Variants in CPEB1 observed in about 807,000 individuals in gnomAD.
CPEB1 encodes the protein cytoplasmic polyadenylation element binding protein 1.
CPEB1 carries 7 observed loss-of-function variants against 65.8 expected under a neutral mutation model. The observed-to-expected ratio is 0.11, with a 90% CI of 0.06 to 0.20. The LOEUF is 0.20. Among genes scored for constraint, CPEB1 ranks in the 10% least tolerant of loss-of-function variants. The pLI, the probability that CPEB1 is intolerant of heterozygous loss-of-function variation, is 1.00. For missense variants in CPEB1, 551 were observed against 712.2 expected (o/e 0.77, Z 2.58); for synonymous variants, 262 against 260.0 (o/e 1.01, Z -0.08).
At chr15:82,606,469 C>CAAA (rs1322114993) in intron 3 of CPEB1, among the ~76,000 whole-genome samples, 1 of 52,628 alleles carries the variant, frequency 1.9e-5, no homozygotes, top group Admixed American at 2.2e-4. Flanking sequence ...TACTCCGTCT[C>CAAA]AAAAAAAAAA....
chr15:82,544,562 G>A lies in CPEB1; in HGVS notation c.*30C>T, dbSNP rs1399331146. ...CTTGCCTGACCTGCCAGCTTTGGGCGCCACAGGCCACTGGGCAAGGCCAGC... is the reference window on the plus strand; with the variant it reads ...CTTGCCTGACCTGCCAGCTTTGGGCACCACAGGCCACTGGGCAAGGCCAGC... On this transcript the variant is annotated 3_prime_UTR_variant, in exon 13 of 13. Coordinates refer to ENST00000684509, the MANE Select transcript of CPEB1 (RefSeq NM_001365242.1). The A allele has an allele frequency of 1.0e-5, 16 of 1,564,082 alleles. No individual in the cohort carries two copies. The highest frequency in any genetic ancestry group is 6.8e-5 in the Admixed American group (4 of 58,616).
chr15:82,572,975 G>C (rs1387700630), intron 3 of CPEB1: 41 of 1,433,982 alleles, frequency 2.9e-5, no homozygotes, highest in Non-Finnish European at 3.4e-5. Context: ...AAGGAGGGTA[G>C]GGCAACAGGC....
chr15:82,593,046 TA>T (rs1191309472), intron 3 of CPEB1, among the ~76,000 whole-genome samples: 2 of 152,184 alleles, frequency 1.3e-5, no homozygotes, highest in Non-Finnish European at 2.9e-5. Flanking sequence ...CAGTGAGTCA[TA>T]ATCTTATTGC....
chr15:82,582,737 CTTTTTTTTT>C lies in CPEB1; in HGVS notation c.272-11214_272-11206del, dbSNP rs11300517. 4.6e-5 allele frequency among the ~76,000 whole-genome samples: 4 copies of C among 87,400 alleles called. No individual in the cohort carries two copies. The Admixed American group carries it at 5.1e-4, about 11-fold the overall frequency. The allele number at this position is 87,400 out of a possible 152,430, so 57.3% of individuals were successfully genotyped here. On this transcript the variant is annotated intron_variant, in intron 3 of 12. Coordinates refer to ENST00000684509, the MANE Select transcript of CPEB1 (RefSeq NM_001365242.1). ...AACCTATCCCATCATACTAGGAGTTCTTTTTTTTTTTTTTTTTTTTTTGAGACACAGTCT... is the reference window on the plus strand; with the variant it reads ...AACCTATCCCATCATACTAGGAGTTCTTTTTTTTTTTTTGAGACACAGTCT...
At position 82,564,273 on chromosome 15, in the gene CPEB1, T is replaced by G. The variant is rs76715142; in HGVS notation, c.461-6287A>C. On this transcript the variant is annotated intron_variant, in intron 4 of 12. Transcript: ENST00000684509. ...GATATTCAATTTAAGGACACAATGG[T>G]TTTTTTTGTTTTTTTGTTTTGTTTT... 9.3e-3 allele frequency among the ~76,000 whole-genome samples: 1,384 copies of G among 149,372 alleles called. 20 individuals are homozygous for G. The highest frequency in any genetic ancestry group is 0.031 in the African/African-American group (1,248 of 40,346).
intron 3 of CPEB1, among the ~76,000 whole-genome samples, chr15:82,595,029 T>C (rs1052735028): frequency 1.3e-5 from 2 of 152,204 alleles, no homozygotes; most frequent in African/African-American, 4.8e-5. Context: ...TTGGAAGAAT[T>C]ACCAGAATGT....
At chr15:82,608,147 G>A (rs1360286232) in intron 3 of CPEB1, among the ~76,000 whole-genome samples, 2 of 152,218 alleles carry the variant, frequency 1.3e-5, no homozygotes, top group Middle Eastern at 3.2e-3. Flanking sequence ...GGAATATATT[G>A]AGTTTTTTAT....
chr15:82,611,040 C>T (rs1469320326), intron 3 of CPEB1, among the ~76,000 whole-genome samples: 1 of 144,390 alleles, frequency 6.9e-6, no homozygotes, highest in Non-Finnish European at 1.5e-5. Flanking sequence ...TACAAAAACA[C>T]CCACATCTAA....
intron 3 of CPEB1, among the ~76,000 whole-genome samples, chr15:82,602,903 A>G (rs1361294181): frequency 1.3e-5 from 2 of 152,058 alleles, no homozygotes; most frequent in Admixed American, 1.3e-4. Flanking sequence ...AATATTAGTG[A>G]AATGGCGAAT....
chr15:82,565,307 C>T (rs1271669658), intron 4 of CPEB1, among the ~76,000 whole-genome samples: 1 of 152,128 alleles, frequency 6.6e-6, no homozygotes, highest in African/African-American at 2.4e-5. Context: ...AGCAGCAAAG[C>T]AGCAAAGACA....
At chr15:82,612,422 G>C (rs1024994212) in intron 3 of CPEB1, among the ~76,000 whole-genome samples, 4 of 151,246 alleles carry the variant, frequency 2.6e-5, no homozygotes, top group Admixed American at 1.3e-4. Flanking sequence ...GCTTGAGCCC[G>C]GGAGGCAGAG....
At chr15:82,547,831 C>G (rs1484405295) in intron 10 of CPEB1, among the ~76,000 whole-genome samples, 1 of 152,016 alleles carries the variant, frequency 6.6e-6, no homozygotes, top group Non-Finnish European at 1.5e-5. Flanking sequence ...GCCACCATGC[C>G]TGGCTAATTT....
chr15:82,558,842 C>T (rs1044685691), intron 4 of CPEB1, among the ~76,000 whole-genome samples: 5 of 152,252 alleles, frequency 3.3e-5, no homozygotes, highest in African/African-American at 9.6e-5. Flanking sequence ...CCACACTTGG[C>T]CTTGGGGAAC....
intron 7 of CPEB1, 80 bp from the exon 8 acceptor site, chr15:82,553,636 T>C (rs1487888006): frequency 9.5e-7 from 1 of 1,057,094 alleles, no homozygotes; most frequent in Non-Finnish European, 1.4e-6. Context: ...ATCACCAGCA[T>C]TCTCCTCCCT....
chr15:82,549,835 AC>A (rs2035936945), intron 9 of CPEB1, among the ~76,000 whole-genome samples, 177 bp from the exon 10 acceptor site: 1 of 152,098 alleles, frequency 6.6e-6, no homozygotes, highest in Admixed American at 6.5e-5. Flanking sequence ...CCCTGACTCC[AC>A]CCCAACTGGA....
chr15:82,560,400 G>GTTTTTTTTT (rs548856094), intron 4 of CPEB1, among the ~76,000 whole-genome samples: 1 of 134,378 alleles, frequency 7.4e-6, no homozygotes, highest in Non-Finnish European at 1.6e-5. Context: ...ATTGTCATTT[G>GTTTTTTTTT]TTTTTTTTTT....
chr15:82,574,465 C>T (rs2040417829), intron 3 of CPEB1, among the ~76,000 whole-genome samples: 1 of 152,056 alleles, frequency 6.6e-6, no homozygotes, highest in African/African-American at 2.4e-5. Context: ...AGTCTGTAAT[C>T]CCAGCACTTT....
At chr15:82,612,766 G>A (rs563969186) in intron 3 of CPEB1, among the ~76,000 whole-genome samples, 7 of 151,864 alleles carry the variant, frequency 4.6e-5, no homozygotes, top group Admixed American at 6.6e-5. Context: ...CCTGGGGGGC[G>A]GAGGTTGCAG....
chr15:82,548,015 TAA>T (rs2035568960), intron 10 of CPEB1, among the ~76,000 whole-genome samples: 1 of 152,198 alleles, frequency 6.6e-6, no homozygotes, highest in Admixed American at 6.5e-5. Context: ...ACTGAAATTT[TAA>T]AACAGTGGTG....
Sources: gnomAD v4.1 joint callset for allele counts (sites outside exome capture counted in the v4.1 genomes callset) on GRCh38, gnomAD v4.1.1 for gene constraint, MANE v1.5 for transcripts, NCBI Gene and HGNC (gene_info 2026-07-23, HGNC 2026-07-21) for gene names.